Variants in TYW1 observed in about 807,000 individuals in gnomAD.
TYW1 encodes the protein S-adenosyl-L-methionine-dependent tRNA 4-demethylwyosine synthase TYW1.
In TYW1, 46 loss-of-function variants were observed where a neutral mutation model predicts 96.2. The observed-to-expected ratio is 0.48, with a 90% CI of 0.38 to 0.61. The LOEUF (loss-of-function observed/expected upper bound fraction) is 0.61, where lower values mean the gene tolerates loss of function less well. TYW1 is among the 20% of genes least tolerant of loss of function. TYW1 has a pLI of 0.00. For missense variants in TYW1, 684 were observed against 909.6 expected (o/e 0.75, Z 3.19); for synonymous variants, 274 against 323.0 (o/e 0.85, Z 1.63).
At chr7:67,122,495 T>A (rs994295587) in intron 13 of TYW1, among the ~76,000 whole-genome samples, 3 of 152,190 alleles carry the variant, frequency 2.0e-5, no homozygotes, top group Admixed American at 1.3e-4. Flanking sequence ...TAAAGAGAAA[T>A]ACAAAGAAGC....
chr7:67,074,584 A>G (rs1796145437), intron 10 of TYW1, among the ~76,000 whole-genome samples: 1 of 152,350 alleles, frequency 6.6e-6, no homozygotes, highest in African/African-American at 2.4e-5. Context: ...GGACTAATAT[A>G]CGAGGTTTTA....
chr7:67,201,071 T>TAGGG (rs1800583158), intron 15 of TYW1, among the ~76,000 whole-genome samples: 1 of 151,918 alleles, frequency 6.6e-6, no homozygotes, highest in Admixed American at 6.6e-5. Context: ...GAGCTTTAGG[T>TAGGG]AGGGGAGTGC....
At chr7:67,228,263 C>G (rs1801627847) in intron 15 of TYW1, among the ~76,000 whole-genome samples, 1 of 152,156 alleles carries the variant, frequency 6.6e-6, no homozygotes, top group Admixed American at 6.5e-5. Flanking sequence ...GGTGGCATCA[C>G]AATCGTGGCG....
At chr7:67,134,569 A>C (rs1798184975) in intron 13 of TYW1, among the ~76,000 whole-genome samples, 1 of 151,678 alleles carries the variant, frequency 6.6e-6, no homozygotes, top group Non-Finnish European at 1.5e-5. Context: ...ATAAAAGGAT[A>C]CCATATATCC....
intron 12 of TYW1, among the ~76,000 whole-genome samples, chr7:67,113,785 G>A (rs1445335273): frequency 6.6e-6 from 1 of 151,856 alleles, no homozygotes; most frequent in African/African-American, 2.4e-5. Flanking sequence ...TTACAGGCGT[G>A]CGCCACCATG....
intron 5 of TYW1, among the ~76,000 whole-genome samples, chr7:67,016,252 T>TTTTTTTTTTTTTTTTTTTTTTTTTTTTG: frequency 6.7e-6 from 1 of 149,380 alleles, no homozygotes; most frequent in African/African-American, 2.4e-5. Context: ...GAGTTTTTTT[T>TTTTTTTTTTTTTTTTTTTTTTTTTTTTG]AAAAGCTGTT....
chr7:67,191,131 G>A (rs1007627885), intron 14 of TYW1, among the ~76,000 whole-genome samples: 1 of 152,200 alleles, frequency 6.6e-6, no homozygotes, highest in Non-Finnish European at 1.5e-5. Context: ...CATGGCAGAA[G>A]GCAGAGAAAG....
intron 13 of TYW1, among the ~76,000 whole-genome samples, chr7:67,167,446 G>A (rs1248489261): frequency 1.4e-5 from 2 of 138,992 alleles, no homozygotes; most frequent in African/African-American, 2.8e-5. Flanking sequence ...TCCAGCCTGG[G>A]CGACAGAGAG....
At chr7:67,019,044 C>T (rs913447830) in intron 6 of TYW1, among the ~76,000 whole-genome samples, 1 of 150,916 alleles carries the variant, frequency 6.6e-6, no homozygotes, top group Non-Finnish European at 1.5e-5. Flanking sequence ...CCAGCCTTAA[C>T]GTTTTCAATT....
At chr7:67,185,662 A>G (rs1431046368) in intron 14 of TYW1, among the ~76,000 whole-genome samples, 1 of 151,850 alleles carries the variant, frequency 6.6e-6, no homozygotes, top group Non-Finnish European at 1.5e-5. Context: ...TAAATTTGAG[A>G]TATCTTTTAA....
chr7:67,186,403 C>A (rs2948333), intron 14 of TYW1, among the ~76,000 whole-genome samples: 1,713 of 151,378 alleles, frequency 0.011, 14 homozygotes, highest in South Asian at 0.023. Context: ...AAACAGTATA[C>A]TTCTCTGATG....
intron 13 of TYW1, among the ~76,000 whole-genome samples, chr7:67,157,575 C>T (rs575206749): frequency 5.3e-5 from 8 of 152,206 alleles, no homozygotes; most frequent in Admixed American, 2.6e-4. Flanking sequence ...TGTGAGCCAC[C>T]GTGCCCGGCC....
At chr7:67,133,443 A>G (rs1362057365) in intron 13 of TYW1, among the ~76,000 whole-genome samples, 1 of 152,038 alleles carries the variant, frequency 6.6e-6, no homozygotes, top group Non-Finnish European at 1.5e-5. Flanking sequence ...TTACACCTGT[A>G]ATCCCCAGCA....
chr7:67,146,201 C>G (rs1798607321), intron 13 of TYW1, among the ~76,000 whole-genome samples: 1 of 152,106 alleles, frequency 6.6e-6, no homozygotes, highest in African/African-American at 2.4e-5. Flanking sequence ...GTGATAGAAT[C>G]TTGCTCTATT....
intron 13 of TYW1, among the ~76,000 whole-genome samples, chr7:67,137,441 C>A (rs1399757480): frequency 6.6e-6 from 1 of 151,788 alleles, no homozygotes; most frequent in Non-Finnish European, 1.5e-5. Context: ...CATGGCAAGA[C>A]CTCATCTCTT....
chr7:67,018,035 C>T lies in TYW1; in HGVS notation c.753C>T (p.Ser251=), dbSNP rs756836235. ...QALQKGERKK[S]CGGHCKKGKC... ...TTCAGAAAGGGGAGAGAAAGAAGTCCTGTGGCGGCCACTGCAAGAAAGGCA... is the reference window on the plus strand; with the variant it reads ...TTCAGAAAGGGGAGAGAAAGAAGTCTTGTGGCGGCCACTGCAAGAAAGGCA... Residue 251 remains serine, a synonymous_variant, in exon 6 of 16, where the codon TCC becomes TCT. Transcript: ENST00000359626. 8 of 1,614,098 alleles carry T rather than the reference C, an allele frequency of 5.0e-6. No individual in the cohort carries two copies. Among genetic ancestry groups the T allele is most frequent in the South Asian group, 4.4e-5 (4 of 91,082 alleles).
At chr7:67,054,707 C>G (rs966019604) in intron 8 of TYW1, among the ~76,000 whole-genome samples, 2 of 152,220 alleles carry the variant, frequency 1.3e-5, no homozygotes, top group African/African-American at 4.8e-5. Context: ...GCCTTATTTG[C>G]CTGCAAGAGT....
chr7:67,100,018 C>T (rs1010386137), intron 12 of TYW1, among the ~76,000 whole-genome samples: 3 of 151,966 alleles, frequency 2.0e-5, no homozygotes, highest in African/African-American at 7.3e-5. Context: ...AAAAAAGATG[C>T]TATTGAAGGA....
intron 15 of TYW1, among the ~76,000 whole-genome samples, chr7:67,206,846 A>G (rs1167701556): frequency 5.9e-5 from 9 of 152,260 alleles, no homozygotes; most frequent in East Asian, 1.9e-4. Flanking sequence ...TTGTTTCTCT[A>G]CATTTTGGAA....
Sources: gnomAD v4.1 joint callset for allele counts (sites outside exome capture counted in the v4.1 genomes callset) on GRCh38, gnomAD v4.1.1 for gene constraint, MANE v1.5 for transcripts, NCBI Gene and HGNC (gene_info 2026-07-23, HGNC 2026-07-21) for gene names.